The following ANK2 variants were observed in gnomAD, a reference collection of about 807,000 sequenced individuals.
ANK2 encodes the protein ankyrin 2, also known as ankyrin-2.
In ANK2, 83 loss-of-function variants were observed where a neutral mutation model predicts 360.5. The observed-to-expected ratio is 0.23, with a 90% CI of 0.19 to 0.28. The LOEUF (loss-of-function observed/expected upper bound fraction) is 0.28, where lower values mean the gene tolerates loss of function less well. ANK2 is among the 10% of genes least tolerant of loss of function. ANK2 has a pLI of 1.00. For missense variants in ANK2, 4,201 were observed against 4,795.7 expected, an observed-to-expected ratio of 0.88 and a Z score of 3.66; for synonymous variants, 1,740 against 1,759.5, an observed-to-expected ratio of 0.99 and a Z score of 0.28.
In ANK2 at chr4:113,277,867, A is replaced by C. The variant is rs2153698454; in HGVS notation, c.1714A>C (p.Lys572Gln). The C allele has an allele frequency of 1.9e-6, 3 of 1,614,062 alleles. No homozygotes were observed. Among genetic ancestry groups the C allele is most frequent in the Non-Finnish European group, 2.5e-6 (3 of 1,179,904 alleles). The stretch of plus-strand genomic sequence containing the variant: ...TTTTACTCCCCTGCATGTAGCAGCC[A>C]AGTATGGAAGCCTGGATGTGGCAAA... ...KGFTPLHVAA[K>Q]YGSLDVAKLL... Residue 572 changes from lysine (K) to glutamine (Q), a missense_variant, in exon 16 of 46, where the codon AAG becomes CAG. Lys to Gln is a moderately conservative substitution (Grantham distance 53, BLOSUM62 1). Transcript: ENST00000357077.
chr4:112,813,236 TAA>T (rs11393659), upstream of ANK2, among the ~76,000 whole-genome samples: 2 of 124,926 alleles, frequency 1.6e-5, no homozygotes, highest in Admixed American at 8.3e-5. Flanking sequence ...AGACTCTGTC[TAA>T]AAAAAAAAAA....
At chr4:113,376,529 G>A (rs1456258072) in intron 45 of ANK2, among the ~76,000 whole-genome samples, 1 of 152,032 alleles carries the variant, frequency 6.6e-6, no homozygotes, top group Non-Finnish European at 1.5e-5. Flanking sequence ...TATAAACACT[G>A]TACACTTAGG....
chr4:112,895,959 A>T (rs368429576), intron 1 of ANK2, among the ~76,000 whole-genome samples: 1 of 152,206 alleles, frequency 6.6e-6, no homozygotes, highest in Non-Finnish European at 1.5e-5. Context: ...CATTGCCCCA[A>T]TTGTGTTGCA....
intron 41 of ANK2, among the ~76,000 whole-genome samples, chr4:113,365,679 T>C (rs1231260798): frequency 1.2e-4 from 18 of 149,246 alleles, no homozygotes; most frequent in Non-Finnish European, 2.0e-4. Context: ...TTTTTTTTTT[T>C]CTCTCTCTCT....
chr4:112,900,624 A>G (rs1484326832), intron 1 of ANK2, among the ~76,000 whole-genome samples: 2 of 152,198 alleles, frequency 1.3e-5, no homozygotes, highest in African/African-American at 4.8e-5. Context: ...CCTGCTTTGT[A>G]TATTTGCTTA....
At chr4:113,181,340 C>T (rs1415130047) in intron 2 of ANK2, among the ~76,000 whole-genome samples, 1 of 152,192 alleles carries the variant, frequency 6.6e-6, no homozygotes, top group Non-Finnish European at 1.5e-5. Context: ...TAATATCTGA[C>T]TCCAAGCAGC....
At chr4:112,784,475 A>G in the ANK2 span, among the ~76,000 whole-genome samples, 500 of 148,786 alleles carry the variant, frequency 3.4e-3, 1 homozygote, top group Middle Eastern at 0.04. Flanking sequence ...CTCCTGCCTC[A>G]GCCTCCTACC....
chr4:113,256,032 T>C, intron 11 of ANK2, 100 bp downstream of exon 11: 1 of 1,381,784 alleles, frequency 7.2e-7, no homozygotes, highest in East Asian at 2.3e-5. Context: ...AGGTTACAGA[T>C]ATGTAGTTAA....
At chr4:113,036,944 G>A (rs1034307031) in intron 2 of ANK2, among the ~76,000 whole-genome samples, 3 of 151,868 alleles carry the variant, frequency 2.0e-5, no homozygotes, top group African/African-American at 7.3e-5. Flanking sequence ...TTTCTCTCTG[G>A]TACACAGCCT....
rs2060715699 is a variant in ANK2 at position 113,336,003 on chromosome 4, G to A, written c.3537G>A (p.Val1179=). The change falls in exon 30 of 46, where the codon GTG becomes GTA. Residue 1179 remains valine, a synonymous_variant. Transcript: ENST00000357077. The part of the protein sequence containing the change: ...GVLSSTVVPQ[V]QAVFPEGALT... ...TGAGCAGCACAGTGGTGCCCCAGGTGCAGGCCGTCTTCCCAGAGGGGGCAC... is the reference window on the plus strand; with the variant it reads ...TGAGCAGCACAGTGGTGCCCCAGGTACAGGCCGTCTTCCCAGAGGGGGCAC... The A allele has an allele frequency of 6.2e-7, 1 of 1,614,156 alleles. No individual in the cohort carries two copies. Among genetic ancestry groups the A allele is most frequent in the Non-Finnish European group, 8.5e-7 (1 of 1,180,026 alleles).
intron 2 of ANK2, among the ~76,000 whole-genome samples, chr4:112,986,461 GTTTGTTT>G (rs1561417301): frequency 6.6e-6 from 1 of 152,084 alleles, no homozygotes; most frequent in Non-Finnish European, 1.5e-5. Flanking sequence ...TTGTTTGTTT[GTTTGTTT>G]TTTGTTTTAA....
At chr4:112,910,609 T>C (rs2086801776) in intron 2 of ANK2, among the ~76,000 whole-genome samples, 1 of 152,200 alleles carries the variant, frequency 6.6e-6, no homozygotes, top group African/African-American at 2.4e-5. Context: ...CCAGCTTATT[T>C]TTTTGGCAGA....
intron 4 of ANK2, among the ~76,000 whole-genome samples, chr4:113,207,621 A>G (rs778625529): frequency 9.9e-5 from 15 of 151,710 alleles, no homozygotes; most frequent in Non-Finnish European, 1.6e-4. Context: ...TTCCACAACA[A>G]CTAAGAAGCT....
intron 2 of ANK2, among the ~76,000 whole-genome samples, chr4:113,013,980 A>G (rs956324083): frequency 6.6e-6 from 1 of 152,042 alleles, no homozygotes; most frequent in African/African-American, 2.4e-5. Flanking sequence ...TTTCATTCCA[A>G]TCTTGTATGT....
At chr4:112,826,866 A>T (rs2058520954) in intron 1 of ANK2, 1 of 1,479,730 alleles carries the variant, frequency 6.8e-7, no homozygotes, top group East Asian at 2.3e-5. Flanking sequence ...TGAAGATGAC[A>T]TCAATGATGT....
In ANK2 at chr4:113,359,192, A is replaced by G; in HGVS notation, c.10574A>G (p.Glu3525Gly). The change falls in exon 38 of 46, where the codon GAG (glutamate) becomes GGG (glycine). Residue 3525 changes from glutamate to glycine, a missense_variant. Physicochemically the swap from Glu to Gly is moderately conservative, Grantham distance 98. Transcript: ENST00000357077. ...GAAAATCTGCCACCTGTTGAGACCG[A>G]GCACTCAGTTCCTGAGGACATCTTT... ...VIENLPPVETEHSVPEDIFDT... is the reference protein window; with the variant it reads ...VIENLPPVETGHSVPEDIFDT... The G allele has an allele frequency of 6.2e-7, 1 of 1,613,294 alleles. No individual in the cohort carries two copies. Among genetic ancestry groups the G allele is most frequent in the Non-Finnish European group, 8.5e-7 (1 of 1,179,302 alleles).
chr4:113,068,838 A>C (rs1418688699), intron 1 of ANK2, among the ~76,000 whole-genome samples: 1 of 152,178 alleles, frequency 6.6e-6, no homozygotes. Flanking sequence ...AGGCAAGAGG[A>C]TCGCTTGAGC....
intron 1 of ANK2, among the ~76,000 whole-genome samples, chr4:113,083,761 G>T (rs2083368231): frequency 6.6e-6 from 1 of 152,052 alleles, no homozygotes; most frequent in African/African-American, 2.4e-5. Context: ...CCAACAGCAA[G>T]AATTTAAAAT....
intron 14 of ANK2, 151 bp downstream of exon 14, chr4:113,265,146 G>C: frequency 1.3e-6 from 1 of 797,708 alleles, no homozygotes; most frequent in Non-Finnish European, 2.0e-6. Context: ...AAAAAAAAAA[G>C]AAACATTATT....
Sources: gnomAD v4.1 joint callset for allele counts (sites outside exome capture counted in the v4.1 genomes callset) on GRCh38, gnomAD v4.1.1 for gene constraint, MANE v1.5 for transcripts, NCBI Gene and HGNC (gene_info 2026-07-23, HGNC 2026-07-21) for gene names.